The following RGS8 variants were observed in gnomAD, a reference collection of about 807,000 sequenced individuals.
RGS8 encodes the protein regulator of G protein signaling 8.
In RGS8, 8 loss-of-function variants were observed where a neutral mutation model predicts 21.7. That is an observed-to-expected ratio of 0.37 (90% CI 0.22 to 0.66). The LOEUF (loss-of-function observed/expected upper bound fraction) is 0.66. RGS8 is among the 30% of genes least tolerant of loss of function. The pLI, the probability that RGS8 is intolerant of heterozygous loss-of-function variation, is 0.59. For synonymous variants in RGS8, 80 were observed against 83.6 expected, an observed-to-expected ratio of 0.96 and a Z score of 0.24; for missense variants, 157 against 217.9, an observed-to-expected ratio of 0.72 and a Z score of 1.76.
the RGS8 span, among the ~76,000 whole-genome samples, chr1:182,721,008 C>CACACATATATGTGTGT: frequency 1.3e-3 from 116 of 90,290 alleles, 2 homozygotes; most frequent in Non-Finnish European, 2.2e-3. Context: ...TGTATATATA[C>CACACATATATGTGTGT]ATATATACAC....
At chr1:182,721,568 C>T in the RGS8 span, among the ~76,000 whole-genome samples, 1 of 152,224 alleles carries the variant, frequency 6.6e-6, no homozygotes, top group East Asian at 1.9e-4. Flanking sequence ...AGGGAAAGGG[C>T]ATCTCAGGGA....
At chr1:182,699,397 C>A in the RGS8 span, among the ~76,000 whole-genome samples, 1 of 152,208 alleles carries the variant, frequency 6.6e-6, no homozygotes, top group Non-Finnish European at 1.5e-5. Flanking sequence ...GGCAGCTCTT[C>A]CCATCTTCCC....
the RGS8 span, among the ~76,000 whole-genome samples, chr1:182,699,032 TAG>T: frequency 6.6e-6 from 1 of 152,274 alleles, no homozygotes; most frequent in Admixed American, 6.5e-5. Context: ...TGGAAGAAAT[TAG>T]ACTGTTTTTT....
chr1:182,730,014 T>C, the RGS8 span, among the ~76,000 whole-genome samples: 1 of 152,196 alleles, frequency 6.6e-6, no homozygotes, highest in African/African-American at 2.4e-5. Flanking sequence ...TTTCCCTAAC[T>C]TCAGGCATAT....
the RGS8 span, among the ~76,000 whole-genome samples, chr1:182,715,016 T>C: frequency 6.6e-6 from 1 of 152,216 alleles, no homozygotes; most frequent in Non-Finnish European, 1.5e-5. Flanking sequence ...ACATTTTCAA[T>C]GCGCCATAAT....
upstream of RGS8, among the ~76,000 whole-genome samples, chr1:182,686,208 A>G (rs1664701275): frequency 6.6e-6 from 1 of 152,212 alleles, no homozygotes; most frequent in African/African-American, 2.4e-5. Flanking sequence ...CTAGGGAGGC[A>G]GGAGAAAAAA....
chr1:182,709,962 AGC>A, the RGS8 span, among the ~76,000 whole-genome samples: 6 of 152,312 alleles, frequency 3.9e-5, no homozygotes, highest in South Asian at 1.2e-3. Flanking sequence ...TCTCTGGGAC[AGC>A]GCTGTCAGAA....
chr1:182,676,208 A>C (rs1664348706), upstream of RGS8, among the ~76,000 whole-genome samples: 1 of 152,226 alleles, frequency 6.6e-6, no homozygotes, highest in Admixed American at 6.5e-5. Flanking sequence ...AATTAAATTG[A>C]AGATAAAGGG....
the RGS8 span, among the ~76,000 whole-genome samples, chr1:182,700,169 G>C: frequency 0.036 from 5,540 of 152,156 alleles, 117 homozygotes; most frequent in Middle Eastern, 0.054. Context: ...GCGAGGGGGA[G>C]GGGGATCCCT....
chr1:182,697,571 A>G, the RGS8 span, among the ~76,000 whole-genome samples: 3 of 152,246 alleles, frequency 2.0e-5, no homozygotes, highest in African/African-American at 7.2e-5. Context: ...AAATTCTGAT[A>G]CCCGGAGAGG....
At chr1:182,649,359 A>C (rs1662883376) in intron 5 of RGS8, among the ~76,000 whole-genome samples, 1 of 152,194 alleles carries the variant, frequency 6.6e-6, no homozygotes, top group African/African-American at 2.4e-5. Context: ...TCTGAAAGTA[A>C]ACTACCCACT....
At position 182,648,392 on chromosome 1, in the gene RGS8, G is replaced by A. The variant is rs147108360; in HGVS notation, c.194-89C>T. ...AGAAAGAAAGGAAGTAATAGTGTGA[G>A]GGTGCCCCTAATTGTCCAAGCTCAC... On this transcript the variant is annotated intron_variant, in intron 5 of 6. Coordinates refer to ENST00000483095, the Ensembl canonical transcript of RGS8. 1.3e-3 allele frequency: 1,861 copies of A among 1,381,586 alleles called. 19 individuals are homozygous for A. The African/African-American group carries it at 0.023, about 17-fold the overall frequency. 85.6% of individuals were successfully genotyped at this position (1,381,586 alleles called of 1,614,324 possible). A position where few individuals can be genotyped will look rare whatever the true frequency, so the allele number is the denominator to read the frequency against.
At chr1:182,648,742 GA>G (rs1018009709) in intron 5 of RGS8, among the ~76,000 whole-genome samples, 1 of 148,220 alleles carries the variant, frequency 6.7e-6, no homozygotes, top group South Asian at 2.2e-4. Context: ...CTCAAAAAAA[GA>G]AAAAAAAAGA....
At chr1:182,750,990 T>G in the RGS8 span, among the ~76,000 whole-genome samples, 1 of 152,310 alleles carries the variant, frequency 6.6e-6, no homozygotes, top group South Asian at 2.1e-4. Flanking sequence ...GAGGGGACAT[T>G]TGCATCTTGA....
chr1:182,739,336 T>C, the RGS8 span, among the ~76,000 whole-genome samples: 2 of 152,066 alleles, frequency 1.3e-5, no homozygotes, highest in Non-Finnish European at 2.9e-5. Context: ...GATAAGACAA[T>C]GTATTTTCTC....
At chr1:182,727,803 T>C in the RGS8 span, among the ~76,000 whole-genome samples, 9 of 152,170 alleles carry the variant, frequency 5.9e-5, no homozygotes, top group Non-Finnish European at 1.3e-4. Context: ...TCTTTCCCTA[T>C]TTATTATTCA....
chr1:182,738,688 T>A, the RGS8 span, among the ~76,000 whole-genome samples: 2 of 152,118 alleles, frequency 1.3e-5, no homozygotes, highest in African/African-American at 4.8e-5. Context: ...CAAAACAAAA[T>A]TATTTTAGCT....
chr1:182,714,964 C>T, the RGS8 span, among the ~76,000 whole-genome samples: 1 of 152,232 alleles, frequency 6.6e-6, no homozygotes, highest in East Asian at 1.9e-4. Flanking sequence ...GCCATCAATA[C>T]AGAGAGAAAA....
At chr1:182,722,829 T>A in the RGS8 span, among the ~76,000 whole-genome samples, 3 of 151,644 alleles carry the variant, frequency 2.0e-5, no homozygotes, top group African/African-American at 4.8e-5. Context: ...TAGAAAAAAA[T>A]TAGCCGGGCT....
Sources: allele counts gnomAD v4.1 joint callset (sites outside exome capture counted in the v4.1 genomes callset), GRCh38; gene constraint gnomAD v4.1.1; transcripts MANE v1.5; gene names NCBI Gene and HGNC (gene_info 2026-07-23, HGNC 2026-07-21).